FOXP1: variants seen among roughly 807,000 people sequenced by gnomAD.
The protein encoded by FOXP1 is forkhead box P1.
Under a neutral mutation model 98.2 loss-of-function variants are expected in FOXP1, and 15 were observed. That is an observed-to-expected ratio of 0.15 (90% confidence interval 0.10 to 0.24). The LOEUF (loss-of-function observed/expected upper bound fraction) is 0.24. Among genes scored for constraint, FOXP1 ranks in the 10% least tolerant of loss-of-function variants. The probability of loss-of-function intolerance (pLI) is 1.00; values close to 1 mark genes in which losing one functional copy is unlikely to be tolerated. For synonymous variants in FOXP1, 371 were observed against 314.5 expected (o/e 1.18, Z -1.90); for missense variants, 633 against 848.5 (o/e 0.75, Z 3.15).
chr3:71,143,027 C>T (rs1456972045), intron 6 of FOXP1, among the ~76,000 whole-genome samples: 4 of 152,108 alleles, frequency 2.6e-5, no homozygotes, highest in Non-Finnish European at 5.9e-5. Flanking sequence ...GACATGGTGA[C>T]CCAGGGGAGC....
intron 11 of FOXP1, among the ~76,000 whole-genome samples, chr3:71,036,579 G>T (rs1431237910): frequency 1.3e-5 from 2 of 152,180 alleles, no homozygotes; most frequent in African/African-American, 2.4e-5. Context: ...GAGGACAGCT[G>T]AAATGAAATA....
chr3:71,389,300 CTGAGGCTT>C (rs1220092693), intron 3 of FOXP1, among the ~76,000 whole-genome samples: 1 of 121,972 alleles, frequency 8.2e-6, no homozygotes. Flanking sequence ...TGTAGGAAAA[CTGAGGCTT>C]TCCTACAAGG....
chr3:71,000,521 C>T (rs1422735611), intron 13 of FOXP1, among the ~76,000 whole-genome samples: 1 of 152,074 alleles, frequency 6.6e-6, no homozygotes, highest in African/African-American at 2.4e-5. Context: ...CTCTTTCTCT[C>T]TTCATTCACA....
rs937750702 is a variant in FOXP1, at chr3:71,369,385, G to A, written c.-167-10141C>T. Among the ~76,000 whole-genome samples, 6 of 151,830 alleles carry A rather than the reference G, an allele frequency of 4.0e-5. No homozygotes were observed. The South Asian group carries it at 6.3e-4, about 16-fold the overall frequency. On this transcript the variant is annotated intron_variant, in intron 3 of 20. Coordinates refer to ENST00000649528, the MANE Select transcript of FOXP1 (RefSeq NM_001349338.3). ...AGCCTGGGCAACAGAACGAGACTCC[G>A]TCTCAAAAAAACAAAAAAACAAAAA...
chr3:71,481,417 A>G (rs1436326880), intron 3 of FOXP1, among the ~76,000 whole-genome samples: 2 of 152,204 alleles, frequency 1.3e-5, no homozygotes, highest in South Asian at 4.1e-4. Flanking sequence ...TGTTCACTAC[A>G]TATCAAAGGT....
intron 4 of FOXP1, among the ~76,000 whole-genome samples, chr3:71,358,403 T>G (rs2078317733): frequency 6.6e-6 from 1 of 152,176 alleles, no homozygotes; most frequent in Admixed American, 6.5e-5. Flanking sequence ...CTCATTTCGC[T>G]CATGAAAGCC....
intron 3 of FOXP1, among the ~76,000 whole-genome samples, chr3:71,429,491 C>T (rs1006277440): frequency 2.2e-4 from 3 of 13,798 alleles, no homozygotes; most frequent in African/African-American, 8.7e-4. Flanking sequence ...GGTGGGGGGG[C>T]GGGAGGGGGG....
intron 6 of FOXP1, among the ~76,000 whole-genome samples, chr3:71,168,724 AT>A (rs2108199453): frequency 6.6e-6 from 1 of 152,374 alleles, no homozygotes; most frequent in South Asian, 2.1e-4. Context: ...GAACAGTGAA[AT>A]GTTTAACAAT....
chr3:71,448,500 G>A (rs569809745), intron 3 of FOXP1, among the ~76,000 whole-genome samples: 1 of 152,294 alleles, frequency 6.6e-6, no homozygotes, highest in African/African-American at 2.4e-5. Context: ...CTGGTATTAA[G>A]AGCACTGGCT....
In FOXP1 at chr3:70,959,505, C is replaced by T; in HGVS notation, c.1890-114G>A. 1.7e-6 allele frequency: 2 copies of T among 1,153,134 alleles called. 1 individual carries two copies. The highest frequency in any genetic ancestry group is 2.6e-5 in the South Asian group (2 of 77,096). 71.4% of individuals were successfully genotyped at this position (1,153,134 alleles called of 1,614,324 possible). On this transcript the variant is annotated intron_variant, in intron 20 of 20. Transcript: ENST00000649528. ...CGCACTCTAGAACTAGAACTCTGTC[C>T]AGTATTGTTACCATTAGCCACACGT... is the stretch of plus-strand genomic sequence containing the variant.
chr3:71,411,088 G>T (rs900915150), intron 3 of FOXP1, among the ~76,000 whole-genome samples: 1 of 152,138 alleles, frequency 6.6e-6, no homozygotes, highest in African/African-American at 2.4e-5. Context: ...AGCACAACAG[G>T]ATATAAAATA....
chr3:71,047,146 T>A, intron 9 of FOXP1, 51 bp from the exon 10 acceptor site: 1 of 1,605,542 alleles, frequency 6.2e-7, no homozygotes. Flanking sequence ...CAAGGAAGGT[T>A]AAAAGTATGG....
chr3:71,041,637 G>C (rs1416389486), intron 10 of FOXP1, 105 bp from the exon 11 acceptor site: 2 of 1,128,758 alleles, frequency 1.8e-6, no homozygotes, highest in African/African-American at 3.1e-5. Context: ...GTGTTAGGGG[G>C]GTTTTTCGGT....
intron 6 of FOXP1, among the ~76,000 whole-genome samples, chr3:71,151,746 C>T (rs2060585268): frequency 6.8e-6 from 1 of 146,850 alleles, no homozygotes; most frequent in African/African-American, 2.5e-5. Context: ...TAGCATTTGA[C>T]ATTTAGACCC....
chr3:71,039,070 G>A (rs766550530), intron 11 of FOXP1, among the ~76,000 whole-genome samples: 2 of 151,900 alleles, frequency 1.3e-5, no homozygotes, highest in Non-Finnish European at 2.9e-5. Context: ...TGTGCTGACT[G>A]GAATTTTCTT....
At chr3:71,174,317 A>G (rs541699038) in intron 6 of FOXP1, among the ~76,000 whole-genome samples, 1 of 152,316 alleles carries the variant, frequency 6.6e-6, no homozygotes, top group Non-Finnish European at 1.5e-5. Flanking sequence ...ATGCACCTGT[A>G]GTCCCAGCTA....
intron 11 of FOXP1, among the ~76,000 whole-genome samples, chr3:71,034,882 G>A (rs1310149502): frequency 1.1e-4 from 16 of 152,136 alleles, no homozygotes; most frequent in Non-Finnish European, 2.9e-5. Context: ...CACTAGTTTT[G>A]AGGACTGAAC....
chr3:70,987,940 A>G, intron 14 of FOXP1, 54 bp downstream of exon 14: 1 of 1,550,990 alleles, frequency 6.4e-7, no homozygotes, highest in Non-Finnish European at 8.9e-7. Flanking sequence ...GGGGAAGTAG[A>G]AAAGGAATAC....
intron 3 of FOXP1, among the ~76,000 whole-genome samples, chr3:71,466,894 A>G (rs1242231686): frequency 6.6e-6 from 1 of 152,244 alleles, no homozygotes; most frequent in Non-Finnish European, 1.5e-5. Context: ...TTCTCAAGTG[A>G]TACTTATCCT....
Sources: allele counts gnomAD v4.1 joint callset (sites outside exome capture counted in the v4.1 genomes callset), GRCh38; gene constraint gnomAD v4.1.1; transcripts MANE v1.5; gene names NCBI Gene and HGNC (gene_info 2026-07-23, HGNC 2026-07-21).